The following FBXL7 variants were observed in gnomAD, a reference collection of about 807,000 sequenced individuals.
FBXL7 encodes the protein F-box/LRR-repeat protein 7.
In FBXL7, 12 loss-of-function variants were observed where a neutral mutation model predicts 38.3. The ratio of observed to expected loss-of-function variants is 0.31; its 90% CI spans 0.20 to 0.51. The LOEUF (loss-of-function observed/expected upper bound fraction) is 0.51, where lower values mean the gene tolerates loss of function less well. Ranked by LOEUF, FBXL7 falls within the 20% of genes least tolerant of loss-of-function variation. The pLI, the probability that FBXL7 is intolerant of heterozygous loss-of-function variation, is 0.98. For synonymous variants in FBXL7, 297 were observed against 300.9 expected, an observed-to-expected ratio of 0.99 and a Z score of 0.13; for missense variants, 567 against 676.4, an observed-to-expected ratio of 0.84 and a Z score of 1.79.
chr5:15,696,188 C>G (rs1005912909), intron 2 of FBXL7, among the ~76,000 whole-genome samples: 2 of 152,166 alleles, frequency 1.3e-5, no homozygotes, highest in African/African-American at 2.4e-5. Context: ...GTGTGGTTAA[C>G]TGCAGTTTTA....
chr5:15,756,784 CT>C (rs1736309157), intron 2 of FBXL7, among the ~76,000 whole-genome samples: 1 of 152,138 alleles, frequency 6.6e-6, no homozygotes, highest in Non-Finnish European at 1.5e-5. Context: ...CTGCTTTGTC[CT>C]CCTTCTCAAA....
rs1445380840 is a variant in FBXL7 at position 15,672,108 on chromosome 5, G to C, written c.127+56036G>C. Reference sequence around the variant, plus strand: ...TGACTATACTCTGGGTTGTGTCAATGAAAGGAGCCTCTGCTTTATTTTGCC... The same window carrying C: ...TGACTATACTCTGGGTTGTGTCAATCAAAGGAGCCTCTGCTTTATTTTGCC... On this transcript the variant is annotated intron_variant, in intron 2 of 3. Transcript: ENST00000504595. Among the ~76,000 whole-genome samples, 6 of 152,160 alleles carry C rather than the reference G, an allele frequency of 3.9e-5. No homozygotes were observed. The East Asian group carries it at 1.2e-3, about 29-fold the overall frequency.
At chr5:15,850,665 G>A (rs1739067413) in intron 2 of FBXL7, among the ~76,000 whole-genome samples, 1 of 152,134 alleles carries the variant, frequency 6.6e-6, no homozygotes, top group South Asian at 2.1e-4. Flanking sequence ...GTTCTTGCAG[G>A]GCAGCGCCCA....
At chr5:15,675,720 C>G (rs1742632087) in intron 2 of FBXL7, among the ~76,000 whole-genome samples, 1 of 152,210 alleles carries the variant, frequency 6.6e-6, no homozygotes, top group South Asian at 2.1e-4. Context: ...AGTCTATCAT[C>G]TTACTAAGGA....
intron 2 of FBXL7, among the ~76,000 whole-genome samples, chr5:15,689,473 A>C (rs1470787919): frequency 6.6e-6 from 1 of 152,050 alleles, no homozygotes; most frequent in Admixed American, 6.6e-5. Flanking sequence ...AATAGCTGCT[A>C]CCTGCGGTGT....
intron 2 of FBXL7, among the ~76,000 whole-genome samples, chr5:15,665,697 T>C (rs1742251004): frequency 1.3e-5 from 2 of 152,186 alleles, no homozygotes; most frequent in Non-Finnish European, 1.5e-5. Context: ...GTAGTTCATA[T>C]CCACAGCTAT....
chr5:15,848,651 A>G (rs1308536230), intron 2 of FBXL7, among the ~76,000 whole-genome samples: 3 of 152,210 alleles, frequency 2.0e-5, no homozygotes, highest in African/African-American at 7.2e-5. Flanking sequence ...AAGAGCTGGG[A>G]TTACAAGCGT....
At chr5:15,567,778 G>C (rs1224321452) in intron 1 of FBXL7, among the ~76,000 whole-genome samples, 1 of 151,436 alleles carries the variant, frequency 6.6e-6, no homozygotes, top group Non-Finnish European at 1.5e-5. Flanking sequence ...CCTGGTGTGT[G>C]ATGTTCCCCT....
chr5:15,927,972 A>T lies in FBXL7; in HGVS notation c.210A>T (p.Gly70=). The T allele has an allele frequency of 6.3e-7, 1 of 1,585,760 alleles. No individual in the cohort carries two copies. The highest frequency in any genetic ancestry group is 1.7e-5 in the Admixed American group (1 of 58,174). The change falls in exon 3 of 4, where the codon GGA becomes GGT. Residue 70 remains glycine, a synonymous_variant. Transcript: ENST00000504595. ...CPPNLPGFQN[G]RGSSTSSSSI... is the part of the protein sequence containing the mutation. ...CGAATCTCCCAGGATTTCAGAATGGAAGGGGCTCGTCCACCTCCTCGTCCT... is the reference window on the plus strand; with the variant it reads ...CGAATCTCCCAGGATTTCAGAATGGTAGGGGCTCGTCCACCTCCTCGTCCT...
At chr5:15,809,058 C>T (rs1278148857) in intron 2 of FBXL7, among the ~76,000 whole-genome samples, 2 of 152,134 alleles carry the variant, frequency 1.3e-5, no homozygotes, top group African/African-American at 4.8e-5. Context: ...AGATTTAACT[C>T]TGCAGGAATA....
chr5:15,565,587 G>A (rs939007737), intron 1 of FBXL7, among the ~76,000 whole-genome samples: 1 of 150,988 alleles, frequency 6.6e-6, no homozygotes, highest in Non-Finnish European at 1.5e-5. Context: ...AATAAATCTT[G>A]CTCTCTCTCT....
chr5:15,930,336 C>T (rs1188036580), intron 3 of FBXL7, among the ~76,000 whole-genome samples: 1 of 152,178 alleles, frequency 6.6e-6, no homozygotes, highest in African/African-American at 2.4e-5. Context: ...TGGCGAAGGA[C>T]TGGGTTCTTT....
chr5:15,594,486 C>G (rs1046174356), intron 1 of FBXL7, among the ~76,000 whole-genome samples: 2 of 152,188 alleles, frequency 1.3e-5, no homozygotes, highest in African/African-American at 4.8e-5. Context: ...TCTCACCAGA[C>G]AGTCTGAATT....
At chr5:15,550,851 C>T (rs1408875287) in intron 1 of FBXL7, among the ~76,000 whole-genome samples, 3 of 152,200 alleles carry the variant, frequency 2.0e-5, no homozygotes, top group Non-Finnish European at 2.9e-5. Flanking sequence ...AGTCCTGACT[C>T]CACTGGGCCA....
At chr5:15,592,411 A>C (rs1277272579) in intron 1 of FBXL7, among the ~76,000 whole-genome samples, 1 of 152,202 alleles carries the variant, frequency 6.6e-6, no homozygotes, top group Non-Finnish European at 1.5e-5. Flanking sequence ...TCACCTTGAA[A>C]ATAGAGAGCT....
Position 15,620,230 on chromosome 5 carries a change from CTTTTTTTT to C in FBXL7, c.127+4167_127+4174del, listed in dbSNP as rs796293132. On this transcript the variant is annotated intron_variant, in intron 2 of 3. Transcript: ENST00000504595. The stretch of plus-strand genomic sequence containing the variant: ...AGTCATCACAAACTATTCTTTTTTT[CTTTTTTTT>C]TTTTTTTTGTTGAGACAGAGTTTCA... Among the ~76,000 whole-genome samples, 478 of 134,154 alleles carry C rather than the reference CTTTTTTTT, an allele frequency of 3.6e-3. 2 individuals are homozygous for C. The highest frequency in any genetic ancestry group is 0.012 in the African/African-American group (445 of 36,700). 88.0% of individuals were successfully genotyped at this position (134,154 alleles called of 152,430 possible).
At chr5:15,652,098 T>G (rs1279902169) in intron 2 of FBXL7, among the ~76,000 whole-genome samples, 1 of 152,216 alleles carries the variant, frequency 6.6e-6, no homozygotes, top group African/African-American at 2.4e-5. Context: ...TTCATAGAAT[T>G]AAAGAGAGTT....
intron 2 of FBXL7, among the ~76,000 whole-genome samples, chr5:15,884,626 C>T (rs930445438): frequency 4.6e-5 from 7 of 152,076 alleles, no homozygotes; most frequent in African/African-American, 1.2e-4. Flanking sequence ...GAGGGAAAAA[C>T]GCAATTCATT....
chr5:15,705,122 AT>A (rs1374347295), intron 2 of FBXL7, among the ~76,000 whole-genome samples: 2 of 152,176 alleles, frequency 1.3e-5, no homozygotes, highest in Non-Finnish European at 2.9e-5. Context: ...AATGCAGTGA[AT>A]TTTTATAAAC....
Sources: allele counts gnomAD v4.1 joint callset (sites outside exome capture counted in the v4.1 genomes callset), GRCh38; gene constraint gnomAD v4.1.1; transcripts MANE v1.5; gene names NCBI Gene and HGNC (gene_info 2026-07-23, HGNC 2026-07-21).